Variants in SLC2A9 observed in about 807,000 individuals in gnomAD.
SLC2A9 encodes the protein solute carrier family 2, facilitated glucose transporter member 9.
In SLC2A9, 39 loss-of-function variants were observed where a neutral mutation model predicts 50.6. That is an observed-to-expected ratio of 0.77 (90% CI 0.60 to 1.01). SLC2A9 has a LOEUF of 1.01. Ranked by LOEUF, SLC2A9 falls within the 50% of genes least tolerant of loss-of-function variation. The probability of loss-of-function intolerance (pLI) is 0.00; values close to 1 mark genes in which losing one functional copy is unlikely to be tolerated. For synonymous variants in SLC2A9, 324 were observed against 276.9 expected, an observed-to-expected ratio of 1.17 and a Z score of -1.69; for missense variants, 686 against 677.6, an observed-to-expected ratio of 1.01 and a Z score of -0.14.
At chr4:9,872,954 C>T (rs1214910941) in intron 10 of SLC2A9, among the ~76,000 whole-genome samples, 1 of 152,210 alleles carries the variant, frequency 6.6e-6, no homozygotes, top group African/African-American at 2.4e-5. Context: ...CATTAAGTTG[C>T]TTTGTTTTCT....
Position 9,949,450 on chromosome 4 carries a change from T to C in SLC2A9, c.682-7405A>G, listed in dbSNP as rs1366907720. 2.0e-5 allele frequency among the ~76,000 whole-genome samples: 3 copies of C among 152,236 alleles called. No individual in the cohort carries two copies. In the East Asian group the frequency reaches 5.8e-4, roughly 29 times the overall value. On this transcript the variant is annotated intron_variant, in intron 5 of 11. Coordinates refer to ENST00000264784, the MANE Select transcript of SLC2A9 (RefSeq NM_020041.3). Reference sequence around the variant, plus strand: ...AGAGGGCTGATGTTTTATAGTATTATAAATAATATTTTCCCACAAAGTATT... The same window carrying C: ...AGAGGGCTGATGTTTTATAGTATTACAAATAATATTTTCCCACAAAGTATT...
At chr4:9,815,300 A>G (rs1723424758) in intron 3 of SLC2A9, among the ~76,000 whole-genome samples, 2 of 152,348 alleles carry the variant, frequency 1.3e-5, no homozygotes, top group East Asian at 3.9e-4. Context: ...ACAACTTGTC[A>G]AGTGTCTAAA....
intron 6 of SLC2A9, among the ~76,000 whole-genome samples, chr4:9,931,192 C>T (rs1207815895): frequency 1.3e-5 from 2 of 152,218 alleles, no homozygotes; most frequent in African/African-American, 4.8e-5. Flanking sequence ...AAGCCCTACC[C>T]CCTGAATGCA....
At chr4:9,974,250 C>T (rs1160929545) in intron 5 of SLC2A9, among the ~76,000 whole-genome samples, 2 of 152,182 alleles carry the variant, frequency 1.3e-5, no homozygotes, top group African/African-American at 4.8e-5. Context: ...ACTCTCACCA[C>T]TCCTATTCAG....
chr4:9,977,179 C>A (rs963753372), intron 5 of SLC2A9, among the ~76,000 whole-genome samples: 3 of 152,178 alleles, frequency 2.0e-5, no homozygotes, highest in African/African-American at 7.2e-5. Context: ...AATGATGTCC[C>A]ATTGCTTTGG....
Position 9,853,178 on chromosome 4 carries a change from A to G in SLC2A9, c.1292-18170T>C, listed in dbSNP as rs75841583. On this transcript the variant is annotated intron_variant, in intron 10 of 11. Transcript: ENST00000264784. ...GCAACAGAGTGAAACTCCCTCTCAA[A>G]AAAAAAAAAAAAAAAGGCACAGAGT... is the stretch of plus-strand genomic sequence containing the variant. Among the ~76,000 whole-genome samples the G allele has an allele frequency of 4.0e-5, 6 of 150,768 alleles. No homozygotes were observed. In the South Asian group the frequency reaches 8.3e-4, roughly 21 times the overall value.
intron 10 of SLC2A9, among the ~76,000 whole-genome samples, chr4:9,855,335 G>C (rs1730566355): frequency 6.6e-6 from 1 of 152,060 alleles, no homozygotes. Flanking sequence ...CTGAGCACAA[G>C]ATCAAGAATT....
intron 9 of SLC2A9, among the ~76,000 whole-genome samples, chr4:9,889,224 G>A (rs994458021): frequency 5.9e-5 from 9 of 151,824 alleles, no homozygotes; most frequent in African/African-American, 2.2e-4. Context: ...CCAGAGCAAG[G>A]AGAAGCTAGC....
chr4:9,948,381 C>T (rs1323167358), intron 5 of SLC2A9, among the ~76,000 whole-genome samples: 1 of 152,188 alleles, frequency 6.6e-6, no homozygotes, highest in Non-Finnish European at 1.5e-5. Context: ...TCAAGCTCTC[C>T]AGGTGACTCT....
chr4:9,998,399 A>G (rs1286976081), intron 2 of SLC2A9, among the ~76,000 whole-genome samples: 3 of 152,172 alleles, frequency 2.0e-5, no homozygotes, highest in Admixed American at 6.5e-5. Context: ...GGGAATGATG[A>G]CATTGACCTC....
chr4:9,942,151 C>A, intron 5 of SLC2A9, 106 bp from the exon 6 acceptor site: 1 of 1,345,240 alleles, frequency 7.4e-7, no homozygotes, highest in Admixed American at 1.8e-5. Context: ...TCTTCCTGCC[C>A]AGCATGATCC....
chr4:9,793,052 T>G (rs1487085996), intron 3 of SLC2A9, among the ~76,000 whole-genome samples: 1 of 152,208 alleles, frequency 6.6e-6, no homozygotes, highest in African/African-American at 2.4e-5. Flanking sequence ...TTTTGTATTT[T>G]TAGTAGAGAC....
At chr4:9,934,806 C>T (rs942138801) in intron 6 of SLC2A9, among the ~76,000 whole-genome samples, 2 of 152,150 alleles carry the variant, frequency 1.3e-5, no homozygotes, top group African/African-American at 4.8e-5. Context: ...TGCTCTCCCT[C>T]CCCTCAGCCC....
At position 9,999,863 on chromosome 4, in the gene SLC2A9, G is replaced by A. The variant is rs147456393; in HGVS notation, c.250-2922C>T. Among the ~76,000 whole-genome samples, 109 of 152,230 alleles carry A rather than the reference G, an allele frequency of 7.2e-4. 2 individuals are homozygous for A. In the East Asian group the frequency reaches 0.019, roughly 27 times the overall value. ...ACTGCAGTGGTCCAAAGATCATGGTGGACTTCACTAAGCAATGGAAATGGA... is the reference window on the plus strand; with the variant it reads ...ACTGCAGTGGTCCAAAGATCATGGTAGACTTCACTAAGCAATGGAAATGGA... On this transcript the variant is annotated intron_variant, in intron 2 of 11. Transcript: ENST00000264784.
At chr4:10,006,371 G>A (rs374423739) in intron 2 of SLC2A9, 9 of 152,262 alleles carry the variant, frequency 5.9e-5, no homozygotes, top group African/African-American at 1.9e-4. Context: ...AAAAATACAC[G>A]GAAGTAACAC....
At chr4:9,796,188 CA>C (rs1187619479), downstream of SLC2A9, among the ~76,000 whole-genome samples, 2 of 152,192 alleles carry the variant, frequency 1.3e-5, no homozygotes, top group Non-Finnish European at 2.9e-5. Flanking sequence ...GAAGGGTCCT[CA>C]GATAAAAGAC....
At chr4:9,780,693 A>T (rs1351427537) in intron 3 of SLC2A9, among the ~76,000 whole-genome samples, 1 of 152,218 alleles carries the variant, frequency 6.6e-6, no homozygotes, top group Admixed American at 6.5e-5. Flanking sequence ...GCTTAACGCC[A>T]GTAGAGGCCG....
At chr4:9,776,016 A>G (rs1209674838), downstream of SLC2A9, among the ~76,000 whole-genome samples, 1 of 151,918 alleles carries the variant, frequency 6.6e-6, no homozygotes, top group Non-Finnish European at 1.5e-5. Flanking sequence ...TTCCGCTCAC[A>G]TTCTATTGGC....
At chr4:10,025,525 T>C (rs1763720565), upstream of SLC2A9, among the ~76,000 whole-genome samples, 1 of 152,178 alleles carries the variant, frequency 6.6e-6, no homozygotes, top group South Asian at 2.1e-4. Flanking sequence ...GAGGACTTCC[T>C]GGAGGAAGGG....
Sources: allele counts gnomAD v4.1 joint callset (sites outside exome capture counted in the v4.1 genomes callset), GRCh38; gene constraint gnomAD v4.1.1; transcripts MANE v1.5; gene names NCBI Gene and HGNC (gene_info 2026-07-23, HGNC 2026-07-21).